The following CAMK1D variants were observed in gnomAD, a reference collection of about 807,000 sequenced individuals.
CAMK1D encodes the protein calcium/calmodulin-dependent protein kinase type 1D.
CAMK1D carries 9 observed loss-of-function variants against 47.7 expected under a neutral mutation model. The ratio of observed to expected loss-of-function variants is 0.19; its 90% CI spans 0.11 to 0.33. The LOEUF (loss-of-function observed/expected upper bound fraction) is 0.33, where lower values mean the gene tolerates loss of function less well. CAMK1D is among the 10% of genes least tolerant of loss of function. CAMK1D has a pLI of 1.00. For synonymous variants in CAMK1D, 184 were observed against 184.9 expected (o/e 0.99, Z 0.04); for missense variants, 291 against 488.7 (o/e 0.60, Z 3.81).
At chr10:12,694,053 ATT>A (rs1241488513) in intron 3 of CAMK1D, among the ~76,000 whole-genome samples, 29 of 65,674 alleles carry the variant, frequency 4.4e-4, no homozygotes, top group Non-Finnish European at 1.3e-4. Flanking sequence ...TATAATATAT[ATT>A]ATATATATAA....
chr10:12,577,010 A>G (rs538853411), intron 2 of CAMK1D, among the ~76,000 whole-genome samples: 1 of 152,346 alleles, frequency 6.6e-6, no homozygotes, highest in South Asian at 2.1e-4. Flanking sequence ...CCGTGGAACC[A>G]GTTCCAGAAC....
In CAMK1D at chr10:12,611,588, C is replaced by CTTTTTTTTTTTTTTTTTTTTTTTTTT. The variant is rs71386105; in HGVS notation, c.225-55127_225-55126insTTTTTTTTTTTTTTTTTTTTTTTTTT. Among the ~76,000 whole-genome samples, 57 of 59,950 alleles carry CTTTTTTTTTTTTTTTTTTTTTTTTTT rather than the reference C, an allele frequency of 9.5e-4. 13 individuals carry two copies. The highest frequency in any genetic ancestry group is 1.5e-3 in the Non-Finnish European group (45 of 30,388). The allele number at this position is 59,950 out of a possible 152,430, so 39.3% of individuals were successfully genotyped here. A position where few individuals can be genotyped will look rare whatever the true frequency, so the allele number is the denominator to read the frequency against. On this transcript the variant is annotated intron_variant, in intron 2 of 10. Transcript: ENST00000619168. ...CAGTTCCCTGAATGTTTCAGAATGC[C>CTTTTTTTTTTTTTTTTTTTTTTTTTT]TTTTTTTTTTTTTTTTTTTTTGAGA... is the stretch of plus-strand genomic sequence containing the variant.
chr10:12,541,565 TG>T (rs1178877566), intron 1 of CAMK1D, among the ~76,000 whole-genome samples: 1 of 152,036 alleles, frequency 6.6e-6, no homozygotes, highest in Non-Finnish European at 1.5e-5. Flanking sequence ...TTCACCATGT[TG>T]GTCAGGCTGG....
intron 3 of CAMK1D, among the ~76,000 whole-genome samples, chr10:12,751,465 A>G (rs1184040097): frequency 6.6e-6 from 1 of 152,152 alleles, no homozygotes; most frequent in Non-Finnish European, 1.5e-5. Context: ...TTCTCTGTGT[A>G]AGTACCATGC....
chr10:12,431,303 T>G (rs1202455418), intron 1 of CAMK1D, among the ~76,000 whole-genome samples: 1 of 152,208 alleles, frequency 6.6e-6, no homozygotes, highest in Non-Finnish European at 1.5e-5. Context: ...TTTTTGCAGC[T>G]GCACTGTAAT....
intron 1 of CAMK1D, among the ~76,000 whole-genome samples, chr10:12,417,564 C>T (rs1839896814): frequency 6.6e-6 from 1 of 152,062 alleles, no homozygotes; most frequent in Non-Finnish European, 1.5e-5. Flanking sequence ...ATGGCTTGGC[C>T]CTGGGCTGTT....
chr10:12,515,591 C>G (rs1466031754), intron 1 of CAMK1D, among the ~76,000 whole-genome samples: 1 of 84,906 alleles, frequency 1.2e-5, no homozygotes, highest in African/African-American at 4.6e-5. Context: ...ACCACAGTCC[C>G]CAGAGTGTGA....
intron 2 of CAMK1D, among the ~76,000 whole-genome samples, chr10:12,620,216 A>T (rs935398553): frequency 1.5e-5 from 2 of 129,894 alleles, no homozygotes; most frequent in East Asian, 2.2e-4. Context: ...AAAAAAAAAA[A>T]AATAAAGCTG....
chr10:12,349,826 G>A lies in CAMK1D; in HGVS notation c.8G>A (p.Arg3Gln). The stretch of plus-strand genomic sequence containing the variant: ...GCGCCGCGCTCGTCGGCCATGGCCC[G>A]GGAGAACGGCGAGAGCAGCTCCTCC... MARENGESSSSWK... is the reference protein window; with the variant it reads MAQENGESSSSWK... Residue 3 changes from arginine to glutamine, a missense_variant, in exon 1 of 11, where the codon CGG becomes CAG. By Grantham distance (43) the Arg-to-Gln change is conservative. Coordinates refer to ENST00000619168, the MANE Select transcript of CAMK1D (RefSeq NM_153498.4). The A allele has an allele frequency of 2.0e-6, 3 of 1,488,474 alleles. No individual in the cohort carries two copies. Among genetic ancestry groups the A allele is most frequent in the African/African-American group, 1.5e-5 (1 of 68,378 alleles). 92.2% of individuals were successfully genotyped at this position (1,488,474 alleles called of 1,614,324 possible).
intron 3 of CAMK1D, among the ~76,000 whole-genome samples, chr10:12,708,936 C>T (rs981814467): frequency 2.0e-5 from 3 of 152,182 alleles, no homozygotes; most frequent in Non-Finnish European, 2.9e-5. Flanking sequence ...CCACCACGCC[C>T]GACCCGGAGT....
chr10:12,456,911 A>G (rs1833265485), intron 1 of CAMK1D, among the ~76,000 whole-genome samples: 1 of 152,128 alleles, frequency 6.6e-6, no homozygotes, highest in South Asian at 2.1e-4. Context: ...GTTTCTGGGA[A>G]TCTTTACTGC....
chr10:12,398,926 A>G (rs1430083985), intron 1 of CAMK1D, among the ~76,000 whole-genome samples: 1 of 152,192 alleles, frequency 6.6e-6, no homozygotes, highest in Non-Finnish European at 1.5e-5. Flanking sequence ...GTAACTGAGT[A>G]GATGGGATAG....
intron 3 of CAMK1D, among the ~76,000 whole-genome samples, chr10:12,682,934 T>C (rs1361214320): frequency 1.3e-5 from 2 of 152,042 alleles, no homozygotes; most frequent in African/African-American, 4.8e-5. Flanking sequence ...AGATTCTTTT[T>C]TTTTTTGGAG....
At chr10:12,802,698 T>A (rs1427063909) in intron 6 of CAMK1D, among the ~76,000 whole-genome samples, 1 of 152,138 alleles carries the variant, frequency 6.6e-6, no homozygotes, top group Non-Finnish European at 1.5e-5. Flanking sequence ...TTTTTTGTAT[T>A]TTTAGTAGAG....
At chr10:12,520,312 C>T (rs1455099871) in intron 1 of CAMK1D, among the ~76,000 whole-genome samples, 1 of 90,952 alleles carries the variant, frequency 1.1e-5, no homozygotes, top group African/African-American at 4.2e-5. Flanking sequence ...GGCAGAGGCG[C>T]TCCCCACTCA....
chr10:12,364,516 T>TAA (rs1199106941), intron 1 of CAMK1D, among the ~76,000 whole-genome samples: 1 of 152,070 alleles, frequency 6.6e-6, no homozygotes, highest in Non-Finnish European at 1.5e-5. Flanking sequence ...GTACTAGGAT[T>TAA]ACAGGCCTGA....
intron 3 of CAMK1D, among the ~76,000 whole-genome samples, chr10:12,673,952 T>C (rs1047163665): frequency 2.0e-5 from 3 of 151,838 alleles, no homozygotes; most frequent in Non-Finnish European, 2.9e-5. Flanking sequence ...TTTTATTAAA[T>C]TTTTTTTTCA....
At chr10:12,473,633 A>G (rs1207720401) in intron 1 of CAMK1D, among the ~76,000 whole-genome samples, 1 of 152,188 alleles carries the variant, frequency 6.6e-6, no homozygotes, top group African/African-American at 2.4e-5. Context: ...ACCTGGCAGC[A>G]GGCTGTAGGG....
chr10:12,701,626 G>A (rs1004040009), intron 3 of CAMK1D, among the ~76,000 whole-genome samples: 1 of 152,184 alleles, frequency 6.6e-6, no homozygotes, highest in African/African-American at 2.4e-5. Context: ...ACATCAAAAT[G>A]TTTAAGTATC....
Sources: gnomAD v4.1 joint callset for allele counts (sites outside exome capture counted in the v4.1 genomes callset) on GRCh38, gnomAD v4.1.1 for gene constraint, MANE v1.5 for transcripts, NCBI Gene and HGNC (gene_info 2026-07-23, HGNC 2026-07-21) for gene names.